The following EPB41L3 variants were observed in gnomAD, a reference collection of about 807,000 sequenced individuals.
EPB41L3 encodes erythrocyte membrane protein band 4.1 like 3.
In EPB41L3, 57 loss-of-function variants were observed where a neutral mutation model predicts 127.1. The ratio of observed to expected loss-of-function variants is 0.45; its 90% CI spans 0.36 to 0.56. The LOEUF is 0.56. EPB41L3 is among the 20% of genes least tolerant of loss of function. The probability of loss-of-function intolerance (pLI) is 0.00; values close to 1 mark genes in which losing one functional copy is unlikely to be tolerated. For synonymous variants in EPB41L3, 572 were observed against 549.5 expected, an observed-to-expected ratio of 1.04 and a Z score of -0.57; for missense variants, 1,273 against 1,372.2, an observed-to-expected ratio of 0.93 and a Z score of 1.14.
intron 1 of EPB41L3, among the ~76,000 whole-genome samples, chr18:5,515,288 A>C (rs1180470357): frequency 6.6e-6 from 1 of 152,198 alleles, no homozygotes; most frequent in Non-Finnish European, 1.5e-5. Context: ...TTCCCTAAAA[A>C]GTCTTCTTCA....
intron 16 of EPB41L3, among the ~76,000 whole-genome samples, chr18:5,402,489 A>C (rs1213751279): frequency 6.6e-6 from 1 of 152,174 alleles, no homozygotes; most frequent in Non-Finnish European, 1.5e-5. Context: ...TCTGAAACCA[A>C]CTAATTTAAA....
At chr18:5,513,939 T>C (rs1032789790) in intron 1 of EPB41L3, among the ~76,000 whole-genome samples, 2 of 152,194 alleles carry the variant, frequency 1.3e-5, no homozygotes, top group Non-Finnish European at 2.9e-5. Flanking sequence ...AAATATGATA[T>C]AGCAAAGCCA....
At chr18:5,479,274 G>A (rs1257383679) in intron 2 of EPB41L3, among the ~76,000 whole-genome samples, 2 of 152,154 alleles carry the variant, frequency 1.3e-5, no homozygotes, top group Admixed American at 1.3e-4. Context: ...CGATCCTTGG[G>A]CTGCGCCACC....
chr18:5,517,851 C>T (rs1280537812), intron 1 of EPB41L3, among the ~76,000 whole-genome samples: 3 of 152,138 alleles, frequency 2.0e-5, no homozygotes, highest in African/African-American at 4.8e-5. Context: ...AGGATTCCAG[C>T]ACCAGCTCCT....
chr18:5,432,514 A>G (rs572949106), intron 8 of EPB41L3, among the ~76,000 whole-genome samples: 12 of 152,334 alleles, frequency 7.9e-5, no homozygotes, highest in Non-Finnish European at 1.5e-4. Context: ...AATGCATCAG[A>G]ATCCAAACCT....
At chr18:5,555,843 T>C (rs943751279) in intron 3 of EPB41L3, among the ~76,000 whole-genome samples, 1 of 152,208 alleles carries the variant, frequency 6.6e-6, no homozygotes, top group African/African-American at 2.4e-5. Flanking sequence ...GCAGCCTCGA[T>C]GCTGTAAGTG....
chr18:5,488,476 A>G (rs1374897164), intron 2 of EPB41L3, among the ~76,000 whole-genome samples: 1 of 151,972 alleles, frequency 6.6e-6, no homozygotes. Context: ...TGATGGATTG[A>G]TGGGTGCAGC....
intron 5 of EPB41L3, 132 bp from the exon 6 acceptor site, chr18:5,438,242 C>T (rs1474176094): frequency 1.5e-6 from 1 of 677,794 alleles, no homozygotes; most frequent in African/African-American, 1.8e-5. Context: ...ACTGGGAAAC[C>T]TTGGTCACAT....
At chr18:5,490,206 C>T (rs2090418590) in intron 1 of EPB41L3, among the ~76,000 whole-genome samples, 2 of 152,158 alleles carry the variant, frequency 1.3e-5, no homozygotes, top group South Asian at 4.1e-4. Flanking sequence ...TCATTTTAAG[C>T]AATTACTTAC....
chr18:5,543,789 C>T lies in EPB41L3; in HGVS notation c.-12+124G>A. The T allele has an allele frequency of 2.6e-6, 2 of 772,522 alleles. No homozygotes were observed. Among genetic ancestry groups the T allele is most frequent in the Non-Finnish European group, 3.1e-6 (2 of 636,236 alleles). The allele number at this position is 772,522 out of a possible 1,614,324, so 47.9% of individuals were successfully genotyped here. On this transcript the variant is annotated intron_variant, in intron 1 of 22. Transcript: ENST00000341928. The surrounding 1 kb of genome is among the most constrained non-coding windows in gnomAD (Gnocchi z 5.2). ...GCTCGGGATTCGGGAGACCGCGCGG[C>T]GCCGAAGCCACGCGTCAGCCCCACT...
intron 3 of EPB41L3, among the ~76,000 whole-genome samples, chr18:5,458,992 C>T (rs2083529153): frequency 6.6e-6 from 1 of 152,014 alleles, no homozygotes; most frequent in South Asian, 2.1e-4. Context: ...TGGCCTAGAT[C>T]CAAATTTTTG....
intron 19 of EPB41L3, 147 bp downstream of exon 19, chr18:5,396,054 T>C (rs1016725836): frequency 3.0e-6 from 3 of 984,040 alleles, no homozygotes; most frequent in Non-Finnish European, 4.6e-6. Flanking sequence ...AAAATGACCA[T>C]TATTGCATCA....
intron 1 of EPB41L3, among the ~76,000 whole-genome samples, chr18:5,511,686 C>T (rs541848059): frequency 9.9e-5 from 15 of 151,694 alleles, no homozygotes; most frequent in Admixed American, 2.6e-4. Flanking sequence ...ACCTTCCAGA[C>T]GCATACAGAC....
chr18:5,462,477 A>G (rs1449008777), intron 3 of EPB41L3, among the ~76,000 whole-genome samples: 3 of 152,158 alleles, frequency 2.0e-5, no homozygotes, highest in East Asian at 3.9e-4. Flanking sequence ...AAATTATATC[A>G]GGATGCTTTT....
At chr18:5,446,026 C>T (rs373563828) in intron 3 of EPB41L3, among the ~76,000 whole-genome samples, 2 of 152,266 alleles carry the variant, frequency 1.3e-5, no homozygotes, top group East Asian at 3.9e-4. Flanking sequence ...AACTTCTGAG[C>T]CTGAGAAGAA....
chr18:5,463,831 A>C (rs991171284), intron 3 of EPB41L3: 14 of 152,328 alleles, frequency 9.2e-5, no homozygotes, highest in African/African-American at 2.9e-4. Flanking sequence ...GGCCTATGCA[A>C]AACGTGAGAT....
intron 16 of EPB41L3, among the ~76,000 whole-genome samples, chr18:5,403,563 T>C (rs1339691190): frequency 2.0e-5 from 3 of 150,826 alleles, no homozygotes; most frequent in Non-Finnish European, 4.4e-5. Flanking sequence ...AGTTTTTTTC[T>C]TCAAAGTACC....
At chr18:5,421,976 A>G (rs1338615095) in intron 11 of EPB41L3, among the ~76,000 whole-genome samples, 2 of 152,220 alleles carry the variant, frequency 1.3e-5, no homozygotes, top group Admixed American at 1.3e-4. Context: ...AAGCTACTGA[A>G]ATTTTAAAAA....
intron 1 of EPB41L3, among the ~76,000 whole-genome samples, chr18:5,519,049 T>C (rs2092876156): frequency 6.6e-6 from 1 of 152,148 alleles, no homozygotes; most frequent in African/African-American, 2.4e-5. Flanking sequence ...CAGGGTGAAT[T>C]ATTATGATGA....
Sources: gnomAD v4.1 joint callset for allele counts (sites outside exome capture counted in the v4.1 genomes callset) on GRCh38, gnomAD v4.1.1 for gene constraint, Gnocchi (gnomAD v3.1) non-coding constraint, MANE v1.5 for transcripts, NCBI Gene and HGNC (gene_info 2026-07-23, HGNC 2026-07-21) for gene names.